The following ZNF518B variants were observed in gnomAD, a reference collection of about 807,000 sequenced individuals.
ZNF518B encodes zinc finger protein 518B.
A neutral mutation model predicts 56.3 loss-of-function variants in ZNF518B; 23 were observed. The ratio of observed to expected loss-of-function variants is 0.41; its 90% CI spans 0.29 to 0.58. The LOEUF (loss-of-function observed/expected upper bound fraction) is 0.58, where lower values mean the gene tolerates loss of function less well. Ranked by LOEUF, ZNF518B falls within the 20% of genes least tolerant of loss-of-function variation. The probability of loss-of-function intolerance (pLI) is 0.32; values close to 1 mark genes in which losing one functional copy is unlikely to be tolerated. For synonymous variants in ZNF518B, 529 were observed against 465.9 expected, an observed-to-expected ratio of 1.14 and a Z score of -1.74; for missense variants, 1,460 against 1,272.1, an observed-to-expected ratio of 1.15 and a Z score of -2.25.
Position 10,443,022 on chromosome 4 carries a change from ATTTC to A in ZNF518B, c.*78_*81del, listed in dbSNP as rs1714751303. On this transcript the variant is annotated 3_prime_UTR_variant, in exon 3 of 3. Transcript: ENST00000326756. ...CAGTCCTCTCATTTCTACAGTCTGT[ATTTC>A]TTCTACTGAATCTTGGTGGAGGGAC... 4 of 1,249,218 alleles carry A rather than the reference ATTTC, an allele frequency of 3.2e-6. No homozygotes were observed. The Admixed American group carries it at 7.1e-5, about 22-fold the overall frequency. The allele number at this position is 1,249,218 out of a possible 1,614,324, so 77.4% of individuals were successfully genotyped here.
At chr4:10,452,762 A>G (rs1439407644) in intron 2 of ZNF518B, 1 of 152,242 alleles carries the variant, frequency 6.6e-6, no homozygotes, top group African/African-American at 2.4e-5. Flanking sequence ...GAGGAAAAAA[A>G]TCCATTAAGT....
chr4:10,451,909 G>A (rs755859983), intron 2 of ZNF518B: 2 of 152,204 alleles, frequency 1.3e-5, no homozygotes, highest in Non-Finnish European at 2.9e-5. Context: ...AAATGAATGT[G>A]TTTCTGTGAT....
chr4:10,449,540 A>G (rs1306856284), intron 2 of ZNF518B, among the ~76,000 whole-genome samples: 1 of 152,232 alleles, frequency 6.6e-6, no homozygotes, highest in Non-Finnish European at 1.5e-5. Context: ...CAGCTTTCCT[A>G]TAAATTTCCT....
At position 10,447,673 on chromosome 4, in the gene ZNF518B, G is replaced by A. The variant is rs537342958; in HGVS notation, c.-211-1134C>T. ...TTTTTTTTTTTTTTTTTTTGAGACA[G>A]TGTTTCACTCTTGTTGCCCAGGCTG... On this transcript the variant is annotated intron_variant, in intron 2 of 2. Transcript: ENST00000326756. Among the ~76,000 whole-genome samples, 15 of 127,642 alleles carry A rather than the reference G, an allele frequency of 1.2e-4. No individual in the cohort carries two copies. The East Asian group carries it at 3.5e-3, about 30-fold the overall frequency. 83.7% of individuals were successfully genotyped at this position (127,642 alleles called of 152,430 possible). A position where few individuals can be genotyped will look rare whatever the true frequency, so the allele number is the denominator to read the frequency against.
rs114054030 is a variant in ZNF518B, at chr4:10,446,748, C to T, written c.-211-209G>A. ...AAACTCAGCCCCCTATAAATGACCACTTTAGCCAAATCATGAATGAACACA... is the reference window on the plus strand; with the variant it reads ...AAACTCAGCCCCCTATAAATGACCATTTTAGCCAAATCATGAATGAACACA... On this transcript the variant is annotated intron_variant, in intron 2 of 2. Coordinates refer to ENST00000326756, the MANE Select transcript of ZNF518B (RefSeq NM_053042.3). Among the ~76,000 whole-genome samples the T allele has an allele frequency of 7.6e-3, 1,165 of 152,288 alleles. 13 individuals carry two copies. Among genetic ancestry groups the T allele is most frequent in the African/African-American group, 0.027 (1,107 of 41,542 alleles).
At chr4:10,459,364 C>A (rs1434774476), upstream of ZNF518B, among the ~76,000 whole-genome samples, 1 of 151,738 alleles carries the variant, frequency 6.6e-6, no homozygotes, top group Admixed American at 6.6e-5. Flanking sequence ...TTGATGCTTG[C>A]AAATGTGAAT....
chr4:10,449,792 A>C (rs1190146923), intron 2 of ZNF518B, among the ~76,000 whole-genome samples: 2 of 152,220 alleles, frequency 1.3e-5, no homozygotes, highest in Non-Finnish European at 2.9e-5. Flanking sequence ...AGCCCTAAGA[A>C]ATTCTCAACT....
intron 2 of ZNF518B, chr4:10,451,374 G>C (rs1379229459): frequency 6.6e-6 from 1 of 152,124 alleles, no homozygotes; most frequent in Non-Finnish European, 1.5e-5. Context: ...AGAGATTCTG[G>C]AATCAGATTA....
Position 10,444,441 on chromosome 4 carries a change from C to G in ZNF518B, c.1888G>C (p.Gly630Arg). 6.2e-7 allele frequency: 1 copy of G among 1,614,152 alleles called. No individual in the cohort carries two copies. The highest frequency in any genetic ancestry group is 8.5e-7 in the Non-Finnish European group (1 of 1,180,026). Residue 630 changes from glycine to arginine, a missense_variant, in exon 3 of 3, where the codon GGC (glycine) becomes CGC (arginine). Physicochemically the swap from Gly to Arg is moderately radical, Grantham distance 125. Transcript: ENST00000326756. ...NSERTNNTND[G>R]PVISSVFSLS... ...GAAAATACTGATGAGATGACTGGGC[C>G]ATCATTAGTGTTGTTAGTCCTTTCA...
At chr4:10,459,746 G>A (rs913790507), upstream of ZNF518B, among the ~76,000 whole-genome samples, 54 of 152,118 alleles carry the variant, frequency 3.5e-4, no homozygotes, top group African/African-American at 1.2e-3. Flanking sequence ...ACAAACCAAC[G>A]GCTGTTGGAA....
At position 10,442,410 on chromosome 4, in the gene ZNF518B, TAAAG is replaced by T. The variant is rs1185940654; in HGVS notation, c.*690_*693del. ...CCATATGTCATAAACCAATGTATTT[TAAAG>T]AAAGCAAAAGCTAAGTATTTGAAAA... On this transcript the variant is annotated 3_prime_UTR_variant, in exon 3 of 3. Transcript: ENST00000326756. 2 of 152,256 alleles carry T rather than the reference TAAAG, an allele frequency of 1.3e-5. No individual in the cohort carries two copies. The highest frequency in any genetic ancestry group is 2.4e-5 in the African/African-American group (1 of 41,468). 9.4% of individuals were successfully genotyped at this position (152,256 alleles called of 1,614,324 possible).
rs763114090 is a variant in ZNF518B at position 10,444,895 on chromosome 4, G to A, written c.1434C>T (p.Ser478=). Residue 478 remains serine, a synonymous_variant, in exon 3 of 3, where the codon TCC becomes TCT. Transcript: ENST00000326756. ...NLYPHRTAFP[S]VALKGHSLAS... is the part of the protein sequence containing the mutation. Reference sequence around the variant, plus strand: ...CTAGAGAATGACCTTTTAAGGCAACGGAAGGAAAAGCAGTTCTATGTGGAT... The same window carrying A: ...CTAGAGAATGACCTTTTAAGGCAACAGAAGGAAAAGCAGTTCTATGTGGAT... 6.2e-6 allele frequency: 10 copies of A among 1,612,226 alleles called. No individual in the cohort carries two copies. The highest frequency in any genetic ancestry group is 4.5e-5 in the East Asian group (2 of 44,872).
chr4:10,460,304 C>CTAAAAAA (rs1715700385), upstream of ZNF518B, among the ~76,000 whole-genome samples: 1 of 8,804 alleles, frequency 1.1e-4, no homozygotes, highest in Non-Finnish European at 1.6e-4. Flanking sequence ...GACTCTGTCT[C>CTAAAAAA]AAAAAAAAAA....
Position 10,444,039 on chromosome 4 carries a change from C to G in ZNF518B, c.2290G>C (p.Ala764Pro), listed in dbSNP as rs1284803175. ...ATTAACACTGGCGTGGCAACATGAG[C>G]CTTCCTGGCCACTCTGCTTTTGGTT... ...RKTKSRVARKAHVATPVLIPK... is the reference protein window; with the variant it reads ...RKTKSRVARKPHVATPVLIPK... The change falls in exon 3 of 3, where the codon GCT becomes CCT. Residue 764 changes from alanine (A) to proline (P), a missense_variant. Coordinates refer to ENST00000326756, the MANE Select transcript of ZNF518B (RefSeq NM_053042.3). 6.2e-7 allele frequency: 1 copy of G among 1,614,068 alleles called. No individual in the cohort carries two copies. The highest frequency in any genetic ancestry group is 8.5e-7 in the Non-Finnish European group (1 of 1,180,034).
intron 2 of ZNF518B, among the ~76,000 whole-genome samples, chr4:10,447,678 T>C (rs1344667854): frequency 2.7e-5 from 4 of 150,312 alleles, no homozygotes; most frequent in Non-Finnish European, 5.9e-5. Context: ...AGACAGTGTT[T>C]CACTCTTGTT....
rs1715468715 is a variant in ZNF518B, at chr4:10,454,980, CAA to C, written c.-389_-388del. ...CCCTGGGCGTCAGCAAGGCGCTGCA[CAA>C]AGAGGCCTGCAACAGAAGCCAAACA... On this transcript the variant is annotated 5_prime_UTR_variant, in exon 2 of 3. Coordinates refer to ENST00000326756, the MANE Select transcript of ZNF518B (RefSeq NM_053042.3). The C allele has an allele frequency of 6.6e-6, 1 of 152,236 alleles. No homozygotes were observed. Among genetic ancestry groups the C allele is most frequent in the African/African-American group, 2.4e-5 (1 of 41,420 alleles). 9.4% of individuals were successfully genotyped at this position (152,236 alleles called of 1,614,324 possible). A position where few individuals can be genotyped will look rare whatever the true frequency, so the allele number is the denominator to read the frequency against.
Position 10,446,377 on chromosome 4 carries a change from CAT to C in ZNF518B, c.-51_-50del. The C allele has an allele frequency of 2.6e-6, 4 of 1,553,390 alleles. No homozygotes were observed. The highest frequency in any genetic ancestry group is 3.5e-6 in the Non-Finnish European group (4 of 1,136,288). ...CCAACTAAAATTCAGAAAGTTTTCA[CAT>C]GATAAAATCCTTAGGAGATATCCTT... is the stretch of plus-strand genomic sequence containing the variant. On this transcript the variant is annotated 5_prime_UTR_variant, in exon 3 of 3. It removes an upstream start codon present in the reference 5' UTR. Coordinates refer to ENST00000326756, the MANE Select transcript of ZNF518B (RefSeq NM_053042.3).
rs1465934419 is a variant in ZNF518B, at chr4:10,441,264, T to C, written c.*1840A>G. ...AATTTTCATATGGTAAAAAATATTT[T>C]TATGTGTACACATACACATATATAA... On this transcript the variant is annotated 3_prime_UTR_variant, in exon 3 of 3. Coordinates refer to ENST00000326756, the MANE Select transcript of ZNF518B (RefSeq NM_053042.3). The C allele has an allele frequency of 6.6e-6, 1 of 152,548 alleles. No homozygotes were observed. Among genetic ancestry groups the C allele is most frequent in the Non-Finnish European group, 1.5e-5 (1 of 68,032 alleles). 9.4% of individuals were successfully genotyped at this position (152,548 alleles called of 1,614,324 possible). A position where few individuals can be genotyped will look rare whatever the true frequency, so the allele number is the denominator to read the frequency against.
upstream of ZNF518B, among the ~76,000 whole-genome samples, chr4:10,460,448 C>T (rs980256341): frequency 6.6e-6 from 1 of 151,818 alleles, no homozygotes; most frequent in African/African-American, 2.4e-5. Flanking sequence ...TTCTGGACCA[C>T]GAGCCTTACA....
Sources: gnomAD v4.1 joint callset for allele counts (sites outside exome capture counted in the v4.1 genomes callset) on GRCh38, gnomAD v4.1.1 for gene constraint, MANE v1.5 for transcripts, NCBI Gene and HGNC (gene_info 2026-07-23, HGNC 2026-07-21) for gene names.